The following TBC1D19 variants were observed in gnomAD, a reference collection of about 807,000 sequenced individuals.
TBC1D19 encodes the protein TBC1 domain family, member 19.
Under a neutral mutation model 89.0 loss-of-function variants are expected in TBC1D19, and 60 were observed. The observed-to-expected ratio is 0.67, with a 90% CI of 0.55 to 0.84. The LOEUF (loss-of-function observed/expected upper bound fraction) is 0.84. TBC1D19 is among the 40% of genes least tolerant of loss of function. The pLI, the probability that TBC1D19 is intolerant of heterozygous loss-of-function variation, is 0.00. For synonymous variants in TBC1D19, 189 were observed against 199.7 expected (o/e 0.95, Z 0.45); for missense variants, 500 against 610.8 (o/e 0.82, Z 1.91).
chr4:26,636,927 A>G (rs572005499), intron 4 of TBC1D19, among the ~76,000 whole-genome samples: 1 of 152,182 alleles, frequency 6.6e-6, no homozygotes, highest in South Asian at 2.1e-4. Flanking sequence ...TTACCATATG[A>G]CTTCTTGACA....
chr4:26,639,554 G>A (rs1743354701), intron 6 of TBC1D19, among the ~76,000 whole-genome samples: 1 of 151,978 alleles, frequency 6.6e-6, no homozygotes, highest in Non-Finnish European at 1.5e-5. Flanking sequence ...ATTTATTTTT[G>A]TTCATTTTAA....
chr4:26,826,636 T>C, the TBC1D19 span, among the ~76,000 whole-genome samples: 3 of 152,208 alleles, frequency 2.0e-5, no homozygotes, highest in African/African-American at 4.8e-5. Flanking sequence ...TTTTGTTAGA[T>C]TGAGTTTAGA....
intron 15 of TBC1D19, among the ~76,000 whole-genome samples, chr4:26,734,890 A>ATG (rs10552153): frequency 6.7e-6 from 1 of 150,190 alleles, no homozygotes; most frequent in African/African-American, 2.4e-5. Context: ...ATGTATACGT[A>ATG]TGTGTGTGTA....
intron 1 of TBC1D19, among the ~76,000 whole-genome samples, chr4:26,591,619 G>A (rs189208069): frequency 5.8e-4 from 88 of 152,118 alleles, no homozygotes; most frequent in Middle Eastern, 3.4e-3. Flanking sequence ...AAAGAGAGAA[G>A]AATCAAATAG....
At chr4:26,588,095 G>A (rs1481142902) in intron 1 of TBC1D19, among the ~76,000 whole-genome samples, 10 of 145,876 alleles carry the variant, frequency 6.9e-5, no homozygotes, top group East Asian at 2.0e-4. Flanking sequence ...GCATGATCTC[G>A]GCTCACTGCA....
At chr4:26,745,534 G>T (rs1578012520) in intron 18 of TBC1D19, among the ~76,000 whole-genome samples, 1 of 100,916 alleles carries the variant, frequency 9.9e-6, no homozygotes, top group African/African-American at 3.7e-5. Flanking sequence ...TTGAGATGGA[G>T]TCTCACTCTG....
At chr4:26,668,633 T>C (rs926719965) in intron 9 of TBC1D19, among the ~76,000 whole-genome samples, 3 of 152,006 alleles carry the variant, frequency 2.0e-5, no homozygotes, top group Non-Finnish European at 2.9e-5. Context: ...TATTTTAGTC[T>C]GTGTCTTTCA....
intron 8 of TBC1D19, among the ~76,000 whole-genome samples, chr4:26,660,886 C>T (rs1054941329): frequency 6.6e-6 from 1 of 152,210 alleles, no homozygotes; most frequent in African/African-American, 2.4e-5. Context: ...GTCATAGTTG[C>T]TTTCTGCATT....
chr4:26,777,366 C>T, the TBC1D19 span, among the ~76,000 whole-genome samples: 3 of 152,130 alleles, frequency 2.0e-5, no homozygotes, highest in Non-Finnish European at 4.4e-5. Context: ...AACTCCTGAC[C>T]TGAGGTGATC....
intron 1 of TBC1D19, among the ~76,000 whole-genome samples, chr4:26,598,909 T>C (rs1740414249): frequency 6.6e-6 from 1 of 150,654 alleles, no homozygotes; most frequent in South Asian, 2.1e-4. Flanking sequence ...AAAGAAAAAA[T>C]AGAAAAAATA....
chr4:26,656,990 TCTCCTTCTC>T (rs1165318139), intron 7 of TBC1D19, among the ~76,000 whole-genome samples: 2 of 83,900 alleles, frequency 2.4e-5, no homozygotes, highest in African/African-American at 9.5e-5. Context: ...TTCTTCTTCT[TCTCCTTCTC>T]CTTCTCCTTC....
chr4:26,606,166 T>G (rs1394380909), intron 1 of TBC1D19, among the ~76,000 whole-genome samples: 1 of 152,146 alleles, frequency 6.6e-6, no homozygotes, highest in Non-Finnish European at 1.5e-5. Context: ...TCATCAGTAA[T>G]TTTTAAGAGT....
At position 26,631,723 on chromosome 4, in the gene TBC1D19, C is replaced by A. The variant is rs2110061871; in HGVS notation, c.295-5488C>A. On this transcript the variant is annotated intron_variant, in intron 4 of 20. Transcript: ENST00000264866. ...TTAACAGTCTTTCTCATTGTGCTTT[C>A]ATGTGTTACTTTTTAAGTTTCCTCA... 1.3e-5 allele frequency among the ~76,000 whole-genome samples: 2 copies of A among 152,126 alleles called. 1 individual carries two copies. The highest frequency in any genetic ancestry group is 4.1e-4 in the South Asian group (2 of 4,822).
At chr4:26,829,659 G>T in the TBC1D19 span, among the ~76,000 whole-genome samples, 3 of 152,204 alleles carry the variant, frequency 2.0e-5, no homozygotes, top group African/African-American at 7.2e-5. Flanking sequence ...CTGAGAAAGT[G>T]TCTAGGCTAA....
chr4:26,632,172 G>C (rs535870976), intron 4 of TBC1D19, among the ~76,000 whole-genome samples: 1 of 151,908 alleles, frequency 6.6e-6, no homozygotes, highest in Non-Finnish European at 1.5e-5. Context: ...TTAAAATTGT[G>C]TATTGCAGTC....
chr4:26,653,460 G>A (rs779624738), intron 7 of TBC1D19, among the ~76,000 whole-genome samples: 1 of 152,102 alleles, frequency 6.6e-6, no homozygotes, highest in Non-Finnish European at 1.5e-5. Context: ...TCTGTCTAAT[G>A]TTGACAGTGG....
chr4:26,798,290 A>G, the TBC1D19 span, among the ~76,000 whole-genome samples: 1 of 152,192 alleles, frequency 6.6e-6, no homozygotes, highest in East Asian at 1.9e-4. Flanking sequence ...GCAGTCAACA[A>G]ACACATGAAA....
chr4:26,709,586 C>G (rs528742227), intron 13 of TBC1D19, among the ~76,000 whole-genome samples: 2 of 152,054 alleles, frequency 1.3e-5, no homozygotes, highest in East Asian at 3.9e-4. Context: ...TGCTTGTAAG[C>G]TGTTCCTGGG....
At chr4:26,598,693 C>G (rs902699767) in intron 1 of TBC1D19, among the ~76,000 whole-genome samples, 1 of 152,130 alleles carries the variant, frequency 6.6e-6, no homozygotes, top group Admixed American at 6.5e-5. Context: ...CGCGCCCGGC[C>G]CTAAATATAC....
Sources: allele counts gnomAD v4.1 joint callset (sites outside exome capture counted in the v4.1 genomes callset), GRCh38; gene constraint gnomAD v4.1.1; transcripts MANE v1.5; gene names NCBI Gene and HGNC (gene_info 2026-07-23, HGNC 2026-07-21).